The following PCCA variants were observed in gnomAD, a reference collection of about 807,000 sequenced individuals.
PCCA encodes the protein propionyl-CoA carboxylase alpha chain, mitochondrial.
PCCA carries 74 observed loss-of-function variants against 101.3 expected under a neutral mutation model. The observed-to-expected ratio is 0.73, with a 90% confidence interval of 0.61 to 0.89. The LOEUF is 0.89. PCCA is among the 40% of genes least tolerant of loss of function. The pLI is 0.00. For missense variants in PCCA, 891 were observed against 907.0 expected (o/e 0.98, Z 0.23); for synonymous variants, 294 against 313.6 (o/e 0.94, Z 0.66).
Position 100,125,208 on chromosome 13 carries a change from T to C in PCCA, c.300+13147T>C, listed in dbSNP as rs2049840317. Among the ~76,000 whole-genome samples, 4 of 152,062 alleles carry C rather than the reference T, an allele frequency of 2.6e-5. No homozygotes were observed. In the South Asian group the frequency reaches 8.3e-4, roughly 32 times the overall value. On this transcript the variant is annotated intron_variant, in intron 4 of 23. Transcript: ENST00000376285. ...AGTAACATTTTCTTAAACTGCCTTTTCTTAGTAAAGGATATTTTAAGATGA... is the reference window on the plus strand; with the variant it reads ...AGTAACATTTTCTTAAACTGCCTTTCCTTAGTAAAGGATATTTTAAGATGA...
chr13:100,132,326 C>CCTTGTGAGTCCTTACCCCTCAGACT (rs1333394259), intron 4 of PCCA, among the ~76,000 whole-genome samples: 1 of 6,478 alleles, frequency 1.5e-4, no homozygotes. Flanking sequence ...CTTGTGTATC[C>CCTTGTGAGTCCTTACCCCTCAGACT]CATTAGTGTC....
At position 100,346,282 on chromosome 13, in the gene PCCA, G is replaced by A. The variant is rs569960689; in HGVS notation, c.1643+6023G>A. On this transcript the variant is annotated intron_variant, in intron 18 of 23. Coordinates refer to ENST00000376285, the MANE Select transcript of PCCA (RefSeq NM_000282.4). ...TCTAGATCCCCTTAAGAACATTTGT[G>A]CTTCAATGGGCAAAATAAAAGATCA... is the stretch of plus-strand genomic sequence containing the variant. 3.3e-5 allele frequency among the ~76,000 whole-genome samples: 5 copies of A among 152,294 alleles called. No homozygotes were observed. In the East Asian group the frequency reaches 7.7e-4, roughly 23 times the overall value.
chr13:100,263,843 G>A (rs1022457089), intron 10 of PCCA, among the ~76,000 whole-genome samples: 23 of 144,786 alleles, frequency 1.6e-4, no homozygotes, highest in Non-Finnish European at 2.8e-4. Context: ...TCTGTATATC[G>A]TATATATATA....
chr13:100,440,196 ATATATATATATAT>A (rs1566308394), intron 20 of PCCA, among the ~76,000 whole-genome samples: 43 of 84,678 alleles, frequency 5.1e-4, no homozygotes, highest in Middle Eastern at 6.2e-3. Context: ...ATATATATAT[ATATATATATATAT>A]AAAACGTGAT....
At chr13:100,237,878 A>G (rs1180434017) in intron 8 of PCCA, among the ~76,000 whole-genome samples, 1 of 151,588 alleles carries the variant, frequency 6.6e-6, no homozygotes, top group Non-Finnish European at 1.5e-5. Flanking sequence ...TGTAAATAGC[A>G]GGCCGTGGAT....
chr13:100,203,513 A>T (rs1301218323), intron 6 of PCCA, among the ~76,000 whole-genome samples: 1 of 151,906 alleles, frequency 6.6e-6, no homozygotes, highest in African/African-American at 2.4e-5. Context: ...AACATGGTGA[A>T]ACCCTGTCTC....
chr13:100,284,032 G>C (rs2064366526), intron 12 of PCCA, among the ~76,000 whole-genome samples: 1 of 152,252 alleles, frequency 6.6e-6, no homozygotes, highest in Non-Finnish European at 1.5e-5. Flanking sequence ...TGAGCCCCCG[G>C]TATGTTTAAC....
intron 22 of PCCA, among the ~76,000 whole-genome samples, chr13:100,518,590 T>C (rs979423503): frequency 1.2e-4 from 19 of 152,236 alleles, no homozygotes; most frequent in African/African-American, 4.6e-4. Context: ...GATTGTGTAA[T>C]AGTTTTTCCG....
At chr13:100,183,677 G>A (rs1034595376) in intron 6 of PCCA, among the ~76,000 whole-genome samples, 1 of 152,138 alleles carries the variant, frequency 6.6e-6, no homozygotes, top group African/African-American at 2.4e-5. Flanking sequence ...TTCCAGGAAG[G>A]GGCTGTAGTG....
rs376317176 is a variant in PCCA at position 100,274,315 on chromosome 13, G to C, written c.1065+969G>C. On this transcript the variant is annotated intron_variant, in intron 12 of 23. Coordinates refer to ENST00000376285, the MANE Select transcript of PCCA (RefSeq NM_000282.4). Reference sequence around the variant, plus strand: ...TTTCAGCATGGCATTTGTGAGATTTGTGCTATTTCATGGAACTCCTGTATG... The same window carrying C: ...TTTCAGCATGGCATTTGTGAGATTTCTGCTATTTCATGGAACTCCTGTATG... 9.8e-4 allele frequency among the ~76,000 whole-genome samples: 149 copies of C among 152,192 alleles called. 4 individuals carry two copies. The South Asian group carries it at 0.028, about 29-fold the overall frequency.
chr13:100,473,068 A>G (rs1294150613), intron 21 of PCCA: 4 of 152,104 alleles, frequency 2.6e-5, no homozygotes, highest in African/African-American at 9.7e-5. Context: ...TTGACTAAAT[A>G]TTCTGCCATC....
At chr13:100,259,928 A>G (rs1395018447) in intron 9 of PCCA, among the ~76,000 whole-genome samples, 2 of 152,218 alleles carry the variant, frequency 1.3e-5, no homozygotes, top group Non-Finnish European at 2.9e-5. Context: ...GATATTCATA[A>G]TAGAGTTTCC....
intron 19 of PCCA, among the ~76,000 whole-genome samples, chr13:100,395,536 T>C (rs531105937): frequency 6.6e-6 from 1 of 152,386 alleles, no homozygotes; most frequent in East Asian, 1.9e-4. Context: ...CTCTGTATTC[T>C]TGATTGTGTG....
intron 19 of PCCA, among the ~76,000 whole-genome samples, chr13:100,418,163 C>G (rs1409453451): frequency 3.3e-5 from 5 of 152,130 alleles, no homozygotes; most frequent in African/African-American, 1.2e-4. Context: ...TCATGAATAC[C>G]CTTAACTGCT....
chr13:100,431,772 A>C (rs766670786), intron 20 of PCCA, among the ~76,000 whole-genome samples: 3 of 152,138 alleles, frequency 2.0e-5, no homozygotes, highest in Non-Finnish European at 4.4e-5. Flanking sequence ...AGGCTGAGGC[A>C]GGAGAATGGT....
chr13:100,306,460 G>A (rs2066460712), intron 14 of PCCA, among the ~76,000 whole-genome samples: 1 of 152,206 alleles, frequency 6.6e-6, no homozygotes, highest in Admixed American at 6.5e-5. Flanking sequence ...TTAAAGTTTT[G>A]CATGGCTAAC....
At chr13:100,305,497 C>G (rs1394013580) in intron 14 of PCCA, among the ~76,000 whole-genome samples, 2 of 152,176 alleles carry the variant, frequency 1.3e-5, no homozygotes, top group Non-Finnish European at 2.9e-5. Flanking sequence ...TAGTTAAAGT[C>G]AGAAGTTTTA....
At chr13:100,519,037 T>C (rs1053893185) in intron 22 of PCCA, among the ~76,000 whole-genome samples, 3 of 152,252 alleles carry the variant, frequency 2.0e-5, no homozygotes, top group Admixed American at 1.3e-4. Flanking sequence ...GATGAGCACA[T>C]TCGCTTTGTT....
intron 6 of PCCA, among the ~76,000 whole-genome samples, chr13:100,192,445 C>T (rs1008350461): frequency 3.9e-5 from 6 of 152,130 alleles, no homozygotes; most frequent in East Asian, 1.9e-4. Flanking sequence ...CTGTGTTAAG[C>T]AGACATCAAA....
Sources: gnomAD v4.1 joint callset for allele counts (sites outside exome capture counted in the v4.1 genomes callset) on GRCh38, gnomAD v4.1.1 for gene constraint, MANE v1.5 for transcripts, NCBI Gene and HGNC (gene_info 2026-07-23, HGNC 2026-07-21) for gene names.